Variants in CSMD1 observed in about 807,000 individuals in gnomAD.
CSMD1 encodes CUB and sushi domain-containing protein 1.
Under a neutral mutation model 417.5 loss-of-function variants are expected in CSMD1, and 213 were observed. The observed-to-expected ratio is 0.51, with a 90% CI of 0.46 to 0.57. CSMD1 has a LOEUF of 0.57. Ranked by LOEUF, CSMD1 falls within the 20% of genes least tolerant of loss-of-function variation. CSMD1 has a pLI of 0.00. For synonymous variants in CSMD1, 2,862 were observed against 1,736.8 expected (o/e 1.65, Z -16.11); for missense variants, 6,923 against 4,529.7 (o/e 1.53, Z -15.17).
chr8:3,785,648 G>A (rs527486678), intron 5 of CSMD1, among the ~76,000 whole-genome samples: 1 of 152,300 alleles, frequency 6.6e-6, no homozygotes, highest in Non-Finnish European at 1.5e-5. Context: ...TTTATTGAAG[G>A]AAGAGTTGGC....
At chr8:3,567,115 G>T (rs1206135501) in intron 10 of CSMD1, among the ~76,000 whole-genome samples, 4 of 152,168 alleles carry the variant, frequency 2.6e-5, no homozygotes, top group African/African-American at 9.7e-5. Flanking sequence ...ATGAGATTTT[G>T]TCCTTTGCAG....
intron 3 of CSMD1, among the ~76,000 whole-genome samples, chr8:4,153,495 T>C (rs1168307723): frequency 6.6e-6 from 1 of 152,228 alleles, no homozygotes; most frequent in African/African-American, 2.4e-5. Flanking sequence ...CTTTCTGACA[T>C]TTCTGCTCAC....
chr8:3,833,236 C>T (rs952032426), intron 5 of CSMD1, among the ~76,000 whole-genome samples: 1 of 152,040 alleles, frequency 6.6e-6, no homozygotes, highest in Non-Finnish European at 1.5e-5. Flanking sequence ...TAATTCTAAC[C>T]ATATTACACA....
chr8:4,188,760 G>C (rs28534386), intron 3 of CSMD1, among the ~76,000 whole-genome samples: 1 of 151,670 alleles, frequency 6.6e-6, no homozygotes, highest in Non-Finnish European at 1.5e-5. Flanking sequence ...AAGATACACA[G>C]ATTTTTAGTA....
intron 4 of CSMD1, among the ~76,000 whole-genome samples, chr8:4,029,254 T>C (rs1797219334): frequency 1.3e-5 from 2 of 152,086 alleles, no homozygotes; most frequent in African/African-American, 4.8e-5. Flanking sequence ...ATGAAAACAA[T>C]TTTGGATATT....
intron 1 of CSMD1, among the ~76,000 whole-genome samples, chr8:4,867,568 C>T (rs1802490406): frequency 2.0e-5 from 3 of 151,996 alleles, no homozygotes; most frequent in Non-Finnish European, 2.9e-5. Flanking sequence ...CCCAGAGCAG[C>T]CATAATTTCG....
chr8:4,079,478 G>C (rs1045925990), intron 3 of CSMD1, among the ~76,000 whole-genome samples: 1 of 152,210 alleles, frequency 6.6e-6, no homozygotes, highest in Admixed American at 6.5e-5. Context: ...TCATCATAAA[G>C]CATGCAAATT....
chr8:3,456,713 G>C (rs894731985), intron 12 of CSMD1, among the ~76,000 whole-genome samples: 1 of 152,064 alleles, frequency 6.6e-6, no homozygotes, highest in Non-Finnish European at 1.5e-5. Flanking sequence ...CCATAAAGAC[G>C]AAATATTTGG....
At chr8:4,841,119 G>A (rs995837468) in intron 1 of CSMD1, among the ~76,000 whole-genome samples, 3 of 152,092 alleles carry the variant, frequency 2.0e-5, no homozygotes, top group African/African-American at 7.2e-5. Context: ...AGAAACAATT[G>A]GTATTACAAT....
intron 25 of CSMD1, among the ~76,000 whole-genome samples, chr8:3,300,685 G>T (rs1263220415): frequency 6.6e-6 from 1 of 152,074 alleles, no homozygotes; most frequent in Non-Finnish European, 1.5e-5. Context: ...GGCCAGGCCT[G>T]GTGGCTCACG....
intron 26 of CSMD1, among the ~76,000 whole-genome samples, chr8:3,239,399 A>T (rs1799354007): frequency 6.6e-6 from 1 of 152,182 alleles, no homozygotes; most frequent in Non-Finnish European, 1.5e-5. Context: ...AAGGGAAGAA[A>T]TGACTATGGT....
At chr8:3,245,122 C>T (rs1338589430) in intron 26 of CSMD1, among the ~76,000 whole-genome samples, 1 of 152,200 alleles carries the variant, frequency 6.6e-6, no homozygotes, top group Non-Finnish European at 1.5e-5. Context: ...TTAATTTCTG[C>T]ATTAATGCAT....
At chr8:4,822,483 G>A (rs371435082) in intron 1 of CSMD1, among the ~76,000 whole-genome samples, 2 of 151,996 alleles carry the variant, frequency 1.3e-5, no homozygotes, top group African/African-American at 4.8e-5. Flanking sequence ...ATTGTAACCC[G>A]ATGGAGATGT....
chr8:3,412,968 G>C (rs73657854), intron 12 of CSMD1, among the ~76,000 whole-genome samples: 15,076 of 152,076 alleles, frequency 0.099, 925 homozygotes, highest in East Asian at 0.25. Flanking sequence ...GCACAAATCT[G>C]TGCAGTCAGG....
At chr8:3,236,639 G>A (rs1054529008) in intron 26 of CSMD1, among the ~76,000 whole-genome samples, 4 of 152,214 alleles carry the variant, frequency 2.6e-5, no homozygotes, top group Non-Finnish European at 5.9e-5. Context: ...TCCACTTCAG[G>A]CTCTTCACAA....
chr8:3,087,309 G>C (rs1157954909), intron 48 of CSMD1, 24 bp from the exon 49 acceptor site: 7 of 1,607,226 alleles, frequency 4.4e-6, no homozygotes, highest in East Asian at 4.5e-5. Flanking sequence ...GACACACACA[G>C]AAATAAGTCA....
chr8:2,956,211 G>A (rs975661131), intron 63 of CSMD1, among the ~76,000 whole-genome samples: 6 of 151,890 alleles, frequency 4.0e-5, no homozygotes, highest in African/African-American at 1.5e-4. Context: ...TTTTGTTCTT[G>A]TGGAAACTAC....
In CSMD1 at chr8:3,218,893, G is replaced by C. The variant is rs548569003; in HGVS notation, c.4672+362C>G. Among the ~76,000 whole-genome samples, 15 of 152,028 alleles carry C rather than the reference G, an allele frequency of 9.9e-5. No individual in the cohort carries two copies. In the South Asian group the frequency reaches 3.1e-3, roughly 32 times the overall value. On this transcript the variant is annotated intron_variant, in intron 29 of 69. Coordinates refer to ENST00000635120, the MANE Select transcript of CSMD1 (RefSeq NM_033225.6). ...GTCTCAAGAAAAAAGAAAAAAAAAA[G>C]TTATTTTCATGTACTTACATTTAAT...
At chr8:3,701,725 C>T (rs1482198) in intron 7 of CSMD1, among the ~76,000 whole-genome samples, 145,083 of 152,266 alleles carry the variant, frequency 0.95, 69,177 homozygotes, top group East Asian at 1. Flanking sequence ...AATCCAAACA[C>T]TCTACAGTTA....
Sources: gnomAD v4.1 joint callset for allele counts (sites outside exome capture counted in the v4.1 genomes callset) on GRCh38, gnomAD v4.1.1 for gene constraint, MANE v1.5 for transcripts, NCBI Gene and HGNC (gene_info 2026-07-23, HGNC 2026-07-21) for gene names.